Variants in CACNG5 observed in about 807,000 individuals in gnomAD.
The protein encoded by CACNG5 is calcium voltage-gated channel auxiliary subunit gamma 5.
A neutral mutation model predicts 24.8 loss-of-function variants in CACNG5; 18 were observed. That is an observed-to-expected ratio of 0.73 (90% CI 0.50 to 1.08). The LOEUF is 1.08. CACNG5 is among the 50% of genes least tolerant of loss of function. CACNG5 has a pLI of 0.00. For missense variants in CACNG5, 349 were observed against 367.9 expected (o/e 0.95, Z 0.42); for synonymous variants, 157 against 149.1 (o/e 1.05, Z -0.39).
At chr17:66,877,705 T>C (rs1231057326) in intron 2 of CACNG5, among the ~76,000 whole-genome samples, 177 bp downstream of exon 2, 1 of 152,132 alleles carries the variant, frequency 6.6e-6, no homozygotes, top group Non-Finnish European at 1.5e-5. Context: ...CAAACTCAAG[T>C]CCTGATTCTC....
chr17:66,873,309 G>A lies in CACNG5; in HGVS notation c.-103-3921G>A, dbSNP rs564352863. Among the ~76,000 whole-genome samples, 4 of 152,266 alleles carry A rather than the reference G, an allele frequency of 2.6e-5. No individual in the cohort carries two copies. In the South Asian group the frequency reaches 6.2e-4, roughly 24 times the overall value. On this transcript the variant is annotated intron_variant, in intron 1 of 5. Transcript: ENST00000533854. Reference sequence around the variant, plus strand: ...AGATTGCTATTTTCCACCCCAGGTAGCATTCCATAAATGTATTACATACTC... The same window carrying A: ...AGATTGCTATTTTCCACCCCAGGTAACATTCCATAAATGTATTACATACTC...
intron 1 of CACNG5, among the ~76,000 whole-genome samples, chr17:66,867,955 T>C (rs979005896): frequency 6.6e-6 from 1 of 152,198 alleles, no homozygotes; most frequent in East Asian, 1.9e-4. Flanking sequence ...CCATTTTAAA[T>C]GCATAGAAAA....
In CACNG5 at chr17:66,877,353, G is replaced by A. The variant is rs180896668; in HGVS notation, c.21G>A (p.Lys7=). 12 of 1,614,006 alleles carry A rather than the reference G, an allele frequency of 7.4e-6. No individual in the cohort carries two copies. Among genetic ancestry groups the A allele is most frequent in the South Asian group, 3.3e-5 (3 of 91,070 alleles). The part of the protein sequence containing the change: MSACGR[K]ALTLLSSVFA... ...GGAAGATGAGTGCCTGCGGGAGGAA[G>A]GCCCTGACCCTGCTGAGCAGTGTCT... Residue 7 remains lysine, a synonymous_variant, in exon 2 of 6, where the codon AAG becomes AAA. Coordinates refer to ENST00000533854, the MANE Select transcript of CACNG5 (RefSeq NM_145811.3).
intron 1 of CACNG5, among the ~76,000 whole-genome samples, chr17:66,856,540 C>G (rs1403050025): frequency 8.8e-6 from 1 of 114,216 alleles, no homozygotes; most frequent in Non-Finnish European, 1.8e-5. Context: ...GTGTTGCCCC[C>G]CCGCCTTTTT....
At chr17:66,850,562 A>G (rs1159447684) in intron 1 of CACNG5, among the ~76,000 whole-genome samples, 1 of 151,102 alleles carries the variant, frequency 6.6e-6, no homozygotes, top group Non-Finnish European at 1.5e-5. Flanking sequence ...GATTTTTAAA[A>G]TTAAAGTTCA....
intron 1 of CACNG5, among the ~76,000 whole-genome samples, chr17:66,868,265 T>G (rs1488049646): frequency 1.3e-5 from 2 of 152,198 alleles, no homozygotes; most frequent in African/African-American, 2.4e-5. Flanking sequence ...TATTAGACAC[T>G]GACCTCCACT....
intron 1 of CACNG5, among the ~76,000 whole-genome samples, chr17:66,844,210 A>T (rs2144499677): frequency 6.6e-6 from 1 of 152,252 alleles, no homozygotes; most frequent in Non-Finnish European, 1.5e-5. Context: ...CCTTATCATC[A>T]TGTGTGTTTT....
At chr17:66,859,672 C>A (rs1976829217) in intron 1 of CACNG5, among the ~76,000 whole-genome samples, 1 of 152,132 alleles carries the variant, frequency 6.6e-6, no homozygotes, top group Admixed American at 6.5e-5. Context: ...TCCAATCCCT[C>A]CTTCCTCCCT....
At chr17:66,870,085 A>G (rs928727663) in intron 1 of CACNG5, among the ~76,000 whole-genome samples, 1 of 150,126 alleles carries the variant, frequency 6.7e-6, no homozygotes, top group African/African-American at 2.5e-5. Flanking sequence ...CTCCGTCTCA[A>G]AAAAAAAAAG....
At chr17:66,838,957 A>ATTTTTTTTTTTTTTTTTTT (rs1435457390) in intron 1 of CACNG5, among the ~76,000 whole-genome samples, 2 of 61,506 alleles carry the variant, frequency 3.3e-5, no homozygotes, top group Non-Finnish European at 6.0e-5. Flanking sequence ...TCCCTCACCC[A>ATTTTTTTTTTTTTTTTTTT]TTCTTTTTTT....
intron 1 of CACNG5, among the ~76,000 whole-genome samples, chr17:66,860,205 G>T (rs1253374734): frequency 1.3e-5 from 2 of 152,130 alleles, no homozygotes; most frequent in African/African-American, 2.4e-5. Context: ...GGGCTAGATT[G>T]CTGGGTTCAA....
At chr17:66,868,251 G>C (rs1436065380) in intron 1 of CACNG5, among the ~76,000 whole-genome samples, 2 of 152,188 alleles carry the variant, frequency 1.3e-5, no homozygotes, top group Non-Finnish European at 2.9e-5. Flanking sequence ...GGATGAGAAA[G>C]TTGTATTAGA....
At chr17:66,838,817 C>T (rs538259309) in intron 1 of CACNG5, among the ~76,000 whole-genome samples, 4 of 151,978 alleles carry the variant, frequency 2.6e-5, no homozygotes, top group African/African-American at 4.8e-5. Context: ...AATGGGGATA[C>T]GACTGGAGTA....
At chr17:66,884,140 GAAAA>G (rs67618988) in intron 4 of CACNG5, among the ~76,000 whole-genome samples, 1 of 104,096 alleles carries the variant, frequency 9.6e-6, no homozygotes, top group Non-Finnish European at 2.1e-5. Flanking sequence ...CTCAAAAAAA[GAAAA>G]AAAAAAAAAA....
At chr17:66,884,296 A>G (rs28622411) in intron 4 of CACNG5, among the ~76,000 whole-genome samples, 2,540 of 152,326 alleles carry the variant, frequency 0.017, 25 homozygotes, top group Non-Finnish European at 0.026. Context: ...GGGCAGCTAT[A>G]TAGGAGCTTC....
At chr17:66,857,677 G>A (rs116744921) in intron 1 of CACNG5, among the ~76,000 whole-genome samples, 4 of 152,152 alleles carry the variant, frequency 2.6e-5, no homozygotes, top group Admixed American at 1.3e-4. Flanking sequence ...GCTAGTGGCC[G>A]CCATATTGGG....
intron 1 of CACNG5, among the ~76,000 whole-genome samples, chr17:66,859,576 G>A (rs1976828059): frequency 6.6e-6 from 1 of 152,112 alleles, no homozygotes; most frequent in South Asian, 2.1e-4. Context: ...CTTGAGGGGC[G>A]TGTCTTCTGC....
At chr17:66,855,907 T>C (rs1976769611) in intron 1 of CACNG5, among the ~76,000 whole-genome samples, 1 of 152,262 alleles carries the variant, frequency 6.6e-6, no homozygotes, top group Non-Finnish European at 1.5e-5. Flanking sequence ...TTTACACTCA[T>C]CATCCCACAT....
chr17:66,874,770 G>A (rs1212286594), intron 1 of CACNG5, among the ~76,000 whole-genome samples: 1 of 152,124 alleles, frequency 6.6e-6, no homozygotes, highest in Non-Finnish European at 1.5e-5. Context: ...AGCTTACATG[G>A]ATCTTTAGTG....
Sources: allele counts gnomAD v4.1 joint callset (sites outside exome capture counted in the v4.1 genomes callset), GRCh38; gene constraint gnomAD v4.1.1; transcripts MANE v1.5; gene names NCBI Gene and HGNC (gene_info 2026-07-23, HGNC 2026-07-21).